The following DNAL1 variants were observed in gnomAD, a reference collection of about 807,000 sequenced individuals.
DNAL1 encodes the protein dynein axonemal light chain 1.
In DNAL1, 17 loss-of-function variants were observed where a neutral mutation model predicts 29.4. The observed-to-expected ratio is 0.58, with a 90% CI of 0.40 to 0.87. DNAL1 has a LOEUF of 0.87. DNAL1 is among the 40% of genes least tolerant of loss of function. The probability of loss-of-function intolerance (pLI) is 0.00; values close to 1 mark genes in which losing one functional copy is unlikely to be tolerated. For synonymous variants in DNAL1, 78 were observed against 76.3 expected (o/e 1.02, Z -0.12); for missense variants, 188 against 214.1 (o/e 0.88, Z 0.76).
At chr14:73,664,994 A>C (rs183295466) in intron 4 of DNAL1, among the ~76,000 whole-genome samples, 1 of 152,316 alleles carries the variant, frequency 6.6e-6, no homozygotes, top group East Asian at 1.9e-4. Flanking sequence ...GATTATAATA[A>C]TAATTACCTA....
Position 73,696,219 on chromosome 14 carries a change from TA to T in DNAL1, c.*281del. 3.9e-6 allele frequency: 1 copy of T among 253,572 alleles called. No homozygotes were observed. The allele number at this position is 253,572 out of a possible 1,614,324, so 15.7% of individuals were successfully genotyped here. On this transcript the variant is annotated 3_prime_UTR_variant, in exon 8 of 8. Coordinates refer to ENST00000553645, the MANE Select transcript of DNAL1 (RefSeq NM_031427.4). ...TTACGTACTGTGTAGCCCCATCTAC[TA>T]AAACAAAACCTTTGTAGACCAGTCA...
chr14:73,682,874 T>A (rs1361258217), intron 5 of DNAL1, among the ~76,000 whole-genome samples: 1 of 116,420 alleles, frequency 8.6e-6, no homozygotes, highest in African/African-American at 2.8e-5. Flanking sequence ...TAGTTATTTT[T>A]TTTTTTTTTT....
rs115264278 is a variant in DNAL1 at position 73,658,736 on chromosome 14, A to T, written c.43-111A>T. The T allele has an allele frequency of 6.1e-5, 44 of 722,136 alleles. No homozygotes were observed. The African/African-American group carries it at 7.1e-4, about 12-fold the overall frequency. The allele number at this position is 722,136 out of a possible 1,614,324, so 44.7% of individuals were successfully genotyped here. On this transcript the variant is annotated intron_variant, in intron 2 of 7. Transcript: ENST00000553645. ...AAAGAATTATTAAACAGTTTGCTAA[A>T]TTCTAGCAATTGTCTTGAAATAAAC...
At chr14:73,662,422 C>T (rs181009036) in intron 4 of DNAL1, among the ~76,000 whole-genome samples, 2 of 152,282 alleles carry the variant, frequency 1.3e-5, no homozygotes, top group Admixed American at 6.5e-5. Context: ...TTGCCTCCCT[C>T]CCAGTTGCCA....
intron 5 of DNAL1, among the ~76,000 whole-genome samples, chr14:73,682,346 T>G (rs961002530): frequency 1.5e-5 from 2 of 133,298 alleles, no homozygotes; most frequent in Non-Finnish European, 3.1e-5. Flanking sequence ...AATTTTTTTT[T>G]TTTTTTTTTT....
At chr14:73,694,146 C>G (rs531868987) in intron 7 of DNAL1, among the ~76,000 whole-genome samples, 224 of 151,258 alleles carry the variant, frequency 1.5e-3, no homozygotes, top group African/African-American at 5.4e-3. Flanking sequence ...TGGCATGCAC[C>G]TGTAGATCCA....
chr14:73,680,620 ATCAC>A (rs1891852695), intron 5 of DNAL1, among the ~76,000 whole-genome samples: 1 of 152,270 alleles, frequency 6.6e-6, no homozygotes, highest in South Asian at 2.1e-4. Flanking sequence ...TAGCATATCA[ATCAC>A]TCAAACATTA....
At chr14:73,663,957 C>T (rs1595208604) in intron 4 of DNAL1, among the ~76,000 whole-genome samples, 1 of 152,322 alleles carries the variant, frequency 6.6e-6, no homozygotes, top group South Asian at 2.1e-4. Flanking sequence ...AGGCAGGCAT[C>T]AAAGCACTGC....
intron 4 of DNAL1, among the ~76,000 whole-genome samples, chr14:73,664,732 A>T (rs1014256191): frequency 3.3e-5 from 5 of 151,996 alleles, no homozygotes; most frequent in Admixed American, 6.6e-5. Flanking sequence ...TTATCTGGGC[A>T]TGGTGGTGTT....
intron 4 of DNAL1, among the ~76,000 whole-genome samples, chr14:73,665,533 G>A (rs1261476669): frequency 2.0e-5 from 3 of 152,098 alleles, no homozygotes; most frequent in Non-Finnish European, 4.4e-5. Context: ...GCTCACACCT[G>A]TAATCCCAGC....
intron 6 of DNAL1, 136 bp from the exon 7 acceptor site, chr14:73,689,239 A>G (rs897647401): frequency 7.1e-6 from 7 of 983,024 alleles, no homozygotes; most frequent in Admixed American, 5.0e-5. Flanking sequence ...TCACTGTGTT[A>G]GCCAGGATGG....
At position 73,689,516 on chromosome 14, in the gene DNAL1, G is replaced by A; in HGVS notation, c.532+1G>A. 1 of 1,589,108 alleles carries A rather than the reference G, an allele frequency of 6.3e-7. No individual in the cohort carries two copies. The highest frequency in any genetic ancestry group is 1.2e-5 in the South Asian group (1 of 86,604). ...GTGCCCAAACTGAAAAAGCTGGATG[G>A]TGAGTGATTCTGAGCTGGCTTAGAC... On this transcript the variant is annotated splice_donor_variant, in intron 7 of 7. Coordinates refer to ENST00000553645, the MANE Select transcript of DNAL1 (RefSeq NM_031427.4). LOFTEE classifies it high-confidence loss of function.
In DNAL1 at chr14:73,699,167, T is replaced by C. The variant is rs1422752200; in HGVS notation, c.*3225T>C. 6.6e-6 allele frequency: 1 copy of C among 152,210 alleles called. No homozygotes were observed. The highest frequency in any genetic ancestry group is 2.4e-5 in the African/African-American group (1 of 41,454). 9.4% of individuals were successfully genotyped at this position (152,210 alleles called of 1,614,324 possible). On this transcript the variant is annotated 3_prime_UTR_variant, in exon 8 of 8. Coordinates refer to ENST00000553645, the MANE Select transcript of DNAL1 (RefSeq NM_031427.4). ...CAAATTCTCCCTTAGTTGTACTTTT[T>C]ATACCAACATCACTTGTGTCCAGGG...
chr14:73,687,967 C>A (rs992509531), intron 6 of DNAL1, among the ~76,000 whole-genome samples: 1 of 151,396 alleles, frequency 6.6e-6, no homozygotes, highest in Non-Finnish European at 1.5e-5. Flanking sequence ...TACACATATG[C>A]CCTAAAACTT....
At chr14:73,685,149 T>C (rs1891988002) in intron 5 of DNAL1, among the ~76,000 whole-genome samples, 2 of 152,160 alleles carry the variant, frequency 1.3e-5, no homozygotes, top group Admixed American at 6.6e-5. Context: ...GTTTACCATC[T>C]AAAACATTTT....
intron 5 of DNAL1, among the ~76,000 whole-genome samples, chr14:73,672,644 G>T (rs1362292866): frequency 2.5e-4 from 37 of 149,932 alleles, no homozygotes; most frequent in Admixed American, 2.4e-3. Flanking sequence ...TTAAGGGTCA[G>T]ATTCTGGGAT....
chr14:73,682,623 A>G (rs1053413302), intron 5 of DNAL1, among the ~76,000 whole-genome samples: 13 of 151,886 alleles, frequency 8.6e-5, no homozygotes, highest in African/African-American at 3.1e-4. Context: ...TAAGCTTTCT[A>G]TAAGCTTTTT....
chr14:73,645,104 C>A, intron 1 of DNAL1, 62 bp downstream of exon 1: 1 of 1,587,822 alleles, frequency 6.3e-7, no homozygotes, highest in Non-Finnish European at 8.6e-7. Context: ...AAAAGGGTGA[C>A]TGTGGAGTGT....
intron 5 of DNAL1, among the ~76,000 whole-genome samples, chr14:73,674,381 G>A (rs916337507): frequency 1.3e-5 from 2 of 151,766 alleles, no homozygotes; most frequent in Admixed American, 6.6e-5. Context: ...ACCCAATCAC[G>A]ATGTGGGCTC....
Sources: allele counts gnomAD v4.1 joint callset (sites outside exome capture counted in the v4.1 genomes callset), GRCh38; gene constraint gnomAD v4.1.1; transcripts MANE v1.5; gene names NCBI Gene and HGNC (gene_info 2026-07-23, HGNC 2026-07-21).